Variants in ATP8A2 observed in about 807,000 individuals in gnomAD.
ATP8A2 encodes phospholipid-transporting ATPase IB.
A neutral mutation model predicts 165.6 loss-of-function variants in ATP8A2; 100 were observed. The ratio of observed to expected loss-of-function variants is 0.60; its 90% CI spans 0.51 to 0.71. The LOEUF (loss-of-function observed/expected upper bound fraction) is 0.71, where lower values mean the gene tolerates loss of function less well. Among genes scored for constraint, ATP8A2 ranks in the 30% least tolerant of loss-of-function variants. The probability of loss-of-function intolerance (pLI) is 0.00; values close to 1 mark genes in which losing one functional copy is unlikely to be tolerated. For synonymous variants in ATP8A2, 543 were observed against 548.8 expected, an observed-to-expected ratio of 0.99 and a Z score of 0.15; for missense variants, 1,227 against 1,479.5, an observed-to-expected ratio of 0.83 and a Z score of 2.80.
chr13:25,491,883 T>C (rs984561962), intron 2 of ATP8A2, among the ~76,000 whole-genome samples: 1 of 152,262 alleles, frequency 6.6e-6, no homozygotes, highest in Non-Finnish European at 1.5e-5. Flanking sequence ...ATTTCACTTA[T>C]TAGTTACTTG....
intron 27 of ATP8A2, among the ~76,000 whole-genome samples, chr13:25,797,076 T>C (rs1283952239): frequency 6.9e-6 from 1 of 144,400 alleles, no homozygotes; most frequent in Non-Finnish European, 1.6e-5. Flanking sequence ...GAGACCAGCC[T>C]GGCCAACATG....
chr13:25,682,981 C>T (rs570284794), intron 24 of ATP8A2, among the ~76,000 whole-genome samples: 1 of 152,216 alleles, frequency 6.6e-6, no homozygotes, highest in African/African-American at 2.4e-5. Context: ...ATTCTGTGGT[C>T]ATTTACCATA....
At chr13:25,985,132 C>T (rs1334112720) in intron 35 of ATP8A2, among the ~76,000 whole-genome samples, 13 of 152,252 alleles carry the variant, frequency 8.5e-5, no homozygotes, top group African/African-American at 2.9e-4. Context: ...ACTGCTAATG[C>T]GGAGAACGTG....
intron 19 of ATP8A2, 122 bp from the exon 20 acceptor site, chr13:25,576,947 A>G: frequency 1.4e-6 from 1 of 721,400 alleles, no homozygotes; most frequent in South Asian, 1.8e-5. Flanking sequence ...AAAGGCAGGG[A>G]AAGATAGACC....
chr13:25,612,119 T>G (rs1017959208), intron 24 of ATP8A2, among the ~76,000 whole-genome samples: 2 of 152,142 alleles, frequency 1.3e-5, no homozygotes, highest in Non-Finnish European at 2.9e-5. Context: ...TGTATTTTTT[T>G]GTTTCAATTT....
At chr13:25,902,715 G>A (rs1180582538) in intron 33 of ATP8A2, among the ~76,000 whole-genome samples, 1 of 151,976 alleles carries the variant, frequency 6.6e-6, no homozygotes, top group Non-Finnish European at 1.5e-5. Context: ...CATCTCCCAA[G>A]ACTCAGGTCT....
At chr13:25,518,258 G>A (rs976461649) in intron 2 of ATP8A2, among the ~76,000 whole-genome samples, 2 of 152,192 alleles carry the variant, frequency 1.3e-5, no homozygotes, top group Non-Finnish European at 2.9e-5. Flanking sequence ...TTTGGGAGGA[G>A]GAAGGTGAAT....
chr13:25,674,622 A>G (rs1276051390), intron 24 of ATP8A2, among the ~76,000 whole-genome samples: 1 of 152,224 alleles, frequency 6.6e-6, no homozygotes, highest in East Asian at 1.9e-4. Context: ...TCTAAAGAGC[A>G]TAAAATTCCC....
At chr13:25,829,718 A>C (rs1297406787) in intron 28 of ATP8A2, among the ~76,000 whole-genome samples, 2 of 99,992 alleles carry the variant, frequency 2.0e-5, no homozygotes, top group South Asian at 3.2e-4. Context: ...ATATATATAT[A>C]TATCACCTGC....
In ATP8A2 at chr13:25,512,884, G is replaced by A. The variant is rs1364739039; in HGVS notation, c.222-17115G>A. 3.0e-4 allele frequency among the ~76,000 whole-genome samples: 41 copies of A among 138,614 alleles called. 1 individual carries two copies. The highest frequency in any genetic ancestry group is 8.9e-4 in the African/African-American group (33 of 36,880). The allele number at this position is 138,614 out of a possible 152,430, so 90.9% of individuals were successfully genotyped here. ...CAGGCAGAGGCGCCCCTCACCTCCCGGACGGGGTGGCTGGCCAGGCGGGGG... is the reference window on the plus strand; with the variant it reads ...CAGGCAGAGGCGCCCCTCACCTCCCAGACGGGGTGGCTGGCCAGGCGGGGG... On this transcript the variant is annotated intron_variant, in intron 2 of 36. Transcript: ENST00000381655.
rs531582241 is a variant in ATP8A2 at position 25,763,781 on chromosome 13, G to T, written c.2385-5265G>T. 6.6e-5 allele frequency among the ~76,000 whole-genome samples: 10 copies of T among 152,328 alleles called. No homozygotes were observed. In the South Asian group the frequency reaches 1.9e-3, roughly 28 times the overall value. On this transcript the variant is annotated intron_variant, in intron 25 of 36. Coordinates refer to ENST00000381655, the MANE Select transcript of ATP8A2 (RefSeq NM_016529.6). ...TGTTCCAGAAGGGAACGACTGTCCA[G>T]AAGGCCTGGACACCTGGGTTGTGTC...
chr13:25,995,933 G>T (rs1294842200), intron 35 of ATP8A2, among the ~76,000 whole-genome samples: 1 of 152,044 alleles, frequency 6.6e-6, no homozygotes, highest in Non-Finnish European at 1.5e-5. Flanking sequence ...ATCAGTTTTA[G>T]CTTCACATAT....
chr13:25,925,535 CAAA>C (rs200471026), intron 33 of ATP8A2, among the ~76,000 whole-genome samples: 3 of 122,078 alleles, frequency 2.5e-5, no homozygotes, highest in African/African-American at 3.1e-5. Context: ...GTCTCTGTCT[CAAA>C]AAAAAAAAAA....
intron 24 of ATP8A2, among the ~76,000 whole-genome samples, chr13:25,686,354 T>G (rs2042601543): frequency 6.6e-6 from 1 of 152,156 alleles, no homozygotes; most frequent in African/African-American, 2.4e-5. Context: ...AACCAGAAAC[T>G]TATAGCTGCC....
intron 28 of ATP8A2, among the ~76,000 whole-genome samples, chr13:25,830,436 C>G (rs1428566505): frequency 6.6e-6 from 1 of 152,156 alleles, no homozygotes; most frequent in East Asian, 1.9e-4. Flanking sequence ...TCTAGGTTAC[C>G]ACTGAGTCCA....
intron 25 of ATP8A2, among the ~76,000 whole-genome samples, chr13:25,709,194 A>G (rs1249903067): frequency 6.6e-6 from 1 of 152,220 alleles, no homozygotes; most frequent in Non-Finnish European, 1.5e-5. Flanking sequence ...AGCAAAACAG[A>G]GCATGCATTT....
At chr13:25,507,338 T>C (rs915887190) in intron 2 of ATP8A2, among the ~76,000 whole-genome samples, 2 of 151,866 alleles carry the variant, frequency 1.3e-5, no homozygotes, top group Non-Finnish European at 2.9e-5. Flanking sequence ...CGATCTTGGC[T>C]CACTGCAGTC....
chr13:25,638,949 A>T (rs1018791752), intron 24 of ATP8A2, among the ~76,000 whole-genome samples: 2 of 152,194 alleles, frequency 1.3e-5, no homozygotes, highest in Non-Finnish European at 2.9e-5. Context: ...GGGGGCCAAT[A>T]TTCAACATTC....
chr13:25,413,856 T>C (rs2034050499), intron 1 of ATP8A2, among the ~76,000 whole-genome samples: 1 of 152,208 alleles, frequency 6.6e-6, no homozygotes, highest in East Asian at 1.9e-4. Flanking sequence ...TTTTATTCTT[T>C]AACAATCCCC....
Sources: gnomAD v4.1 joint callset for allele counts (sites outside exome capture counted in the v4.1 genomes callset) on GRCh38, gnomAD v4.1.1 for gene constraint, MANE v1.5 for transcripts, NCBI Gene and HGNC (gene_info 2026-07-23, HGNC 2026-07-21) for gene names.